SHANK2: variants seen among roughly 807,000 people sequenced by gnomAD.
SHANK2 encodes SH3 and multiple ankyrin repeat domains 2, also known as SH3 and multiple ankyrin repeat domains protein 2.
A neutral mutation model predicts 133.7 loss-of-function variants in SHANK2; 43 were observed. That is an observed-to-expected ratio of 0.32 (90% CI 0.25 to 0.41). SHANK2 has a LOEUF of 0.41. Among genes scored for constraint, SHANK2 ranks in the 10% least tolerant of loss-of-function variants. SHANK2 has a pLI of 1.00. For synonymous variants in SHANK2, 1,017 were observed against 952.8 expected (o/e 1.07, Z -1.24); for missense variants, 1,994 against 2,235.8 (o/e 0.89, Z 2.18).
chr11:70,761,364 T>G (rs1357816288), intron 14 of SHANK2, among the ~76,000 whole-genome samples: 1 of 152,170 alleles, frequency 6.6e-6, no homozygotes, highest in Admixed American at 6.5e-5. Flanking sequence ...GATCTGGGAC[T>G]TTCACTCTCC....
At chr11:71,215,262 T>C (rs1466734621) in intron 2 of SHANK2, among the ~76,000 whole-genome samples, 1 of 152,162 alleles carries the variant, frequency 6.6e-6, no homozygotes, top group Non-Finnish European at 1.5e-5. Flanking sequence ...CACCACAGTC[T>C]CAGCAGGGGC....
intron 17 of SHANK2, among the ~76,000 whole-genome samples, chr11:70,626,701 T>C (rs1466204233): frequency 6.6e-6 from 1 of 152,200 alleles, no homozygotes; most frequent in Non-Finnish European, 1.5e-5. Flanking sequence ...CTACTATCCC[T>C]GTAGTACCTC....
intron 17 of SHANK2, among the ~76,000 whole-genome samples, chr11:70,589,976 A>G (rs1177890635): frequency 6.6e-6 from 1 of 152,138 alleles, no homozygotes; most frequent in Non-Finnish European, 1.5e-5. Flanking sequence ...ACACAGTGAA[A>G]CCCCGTCTCT....
intron 14 of SHANK2, among the ~76,000 whole-genome samples, chr11:70,754,572 C>G (rs57210846): frequency 1.3e-5 from 2 of 152,196 alleles, no homozygotes; most frequent in Non-Finnish European, 2.9e-5. Context: ...AGCCTCCCCC[C>G]GGTGAGCTCG....
At chr11:71,222,648 G>T (rs781909401) in intron 2 of SHANK2, among the ~76,000 whole-genome samples, 11 of 152,232 alleles carry the variant, frequency 7.2e-5, no homozygotes, top group Non-Finnish European at 1.6e-4. Context: ...AAGCTCCGAG[G>T]AAGCCAAAGG....
rs146394682 is a variant in SHANK2 at position 70,844,896 on chromosome 11, T to C, written c.1175-24214A>G. Among the ~76,000 whole-genome samples, 48 of 152,166 alleles carry C rather than the reference T, an allele frequency of 3.2e-4. 1 individual carries two copies. The East Asian group carries it at 8.9e-3, about 28-fold the overall frequency. On this transcript the variant is annotated intron_variant, in intron 11 of 25. Transcript: ENST00000601538. ...TATGACCAAATCACTGGGACCCAAT[T>C]TCTTCTTATGAAAATAAAATAGGGC...
chr11:70,745,185 G>GC (rs1449378021), intron 14 of SHANK2, among the ~76,000 whole-genome samples: 3 of 152,160 alleles, frequency 2.0e-5, no homozygotes, highest in Admixed American at 2.0e-4. Flanking sequence ...GACTTAGAAG[G>GC]CCCCAGTGCT....
chr11:70,599,883 G>GAA (rs1565166037), intron 17 of SHANK2, among the ~76,000 whole-genome samples: 68 of 89,574 alleles, frequency 7.6e-4, no homozygotes, highest in African/African-American at 2.6e-3. Context: ...AAGAAAGAAA[G>GAA]AAAGAAAAAG....
rs868985520 is a variant in SHANK2, at chr11:70,661,824, C to A, written c.1854-146G>T. ...AGGCAGCATGGAGGAAAGGAGGCAG[C>A]GAGGGTGCAGGAGGAGCGAAGGAAG... On this transcript the variant is annotated intron_variant, in intron 15 of 25. Transcript: ENST00000601538. The A allele has an allele frequency of 4.3e-5, 69 of 1,609,024 alleles. No homozygotes were observed. In the South Asian group the frequency reaches 7.4e-4, roughly 17 times the overall value.
chr11:71,146,358 C>T (rs1473198753), intron 3 of SHANK2, among the ~76,000 whole-genome samples: 36 of 152,110 alleles, frequency 2.4e-4, no homozygotes, highest in Non-Finnish European at 4.6e-4. Flanking sequence ...GAAGCCACAC[C>T]CCTTCCTCTG....
chr11:70,914,677 TAAA>T (rs1370712374), intron 10 of SHANK2, among the ~76,000 whole-genome samples: 1 of 138,774 alleles, frequency 7.2e-6, no homozygotes, highest in African/African-American at 2.8e-5. Context: ...ATAAATAAAA[TAAA>T]ATAAAATAAA....
intron 3 of SHANK2, among the ~76,000 whole-genome samples, chr11:71,130,829 G>A (rs1206079025): frequency 3.9e-5 from 6 of 152,198 alleles, no homozygotes; most frequent in South Asian, 2.1e-4. Flanking sequence ...AGCCAGAAAC[G>A]CAGACCCCGG....
intron 17 of SHANK2, among the ~76,000 whole-genome samples, chr11:70,536,543 C>A (rs1352076673): frequency 6.6e-6 from 1 of 152,180 alleles, no homozygotes; most frequent in Non-Finnish European, 1.5e-5. Context: ...TCTGCACCCA[C>A]ATGGCTGCGG....
At chr11:70,885,523 C>T (rs1351590942) in intron 11 of SHANK2, among the ~76,000 whole-genome samples, 2 of 152,220 alleles carry the variant, frequency 1.3e-5, no homozygotes, top group African/African-American at 2.4e-5. Flanking sequence ...CTCCATTTGG[C>T]TGAAGAGGGG....
At chr11:71,151,003 C>T (rs1409969572) in intron 2 of SHANK2, among the ~76,000 whole-genome samples, 71 of 152,250 alleles carry the variant, frequency 4.7e-4, no homozygotes, top group African/African-American at 1.6e-3. Context: ...ACCCACCTGG[C>T]AGCCATGTGG....
chr11:71,178,109 A>C (rs1184415615), intron 2 of SHANK2, among the ~76,000 whole-genome samples: 1 of 152,228 alleles, frequency 6.6e-6, no homozygotes, highest in Non-Finnish European at 1.5e-5. Context: ...GTAGGGACTT[A>C]AACAGAGCTT....
At chr11:70,729,727 G>C (rs569703326) in intron 14 of SHANK2, among the ~76,000 whole-genome samples, 1 of 151,088 alleles carries the variant, frequency 6.6e-6, no homozygotes, top group East Asian at 2.0e-4. Flanking sequence ...TAGAGACGGG[G>C]TTTCACCATG....
intron 20 of SHANK2, 55 bp downstream of exon 20, chr11:70,501,866 TGG>T (rs2059058345): frequency 1.3e-6 from 2 of 1,542,796 alleles, no homozygotes; most frequent in Non-Finnish European, 1.8e-6. Flanking sequence ...TGGATGTCAG[TGG>T]GGGTGCCCTA....
At chr11:70,829,192 G>C (rs1166259849) in intron 11 of SHANK2, among the ~76,000 whole-genome samples, 3 of 152,072 alleles carry the variant, frequency 2.0e-5, no homozygotes, top group East Asian at 1.9e-4. Context: ...TTCCCCTCAC[G>C]GGGGCCTCCA....
Sources: gnomAD v4.1 joint callset for allele counts (sites outside exome capture counted in the v4.1 genomes callset) on GRCh38, gnomAD v4.1.1 for gene constraint, MANE v1.5 for transcripts, NCBI Gene and HGNC (gene_info 2026-07-23, HGNC 2026-07-21) for gene names.